The following SLC46A3 variants were observed in gnomAD, a reference collection of about 807,000 sequenced individuals.
SLC46A3 encodes the protein lysosomal proton-coupled steroid conjugate and bile acid symporter SLC46A3.
In SLC46A3, 26 loss-of-function variants were observed where a neutral mutation model predicts 38.5. The ratio of observed to expected loss-of-function variants is 0.68; its 90% CI spans 0.49 to 0.94. The LOEUF (loss-of-function observed/expected upper bound fraction) is 0.94, where lower values mean the gene tolerates loss of function less well. SLC46A3 is among the 40% of genes least tolerant of loss of function. The pLI is 0.00. For missense variants in SLC46A3, 510 were observed against 544.3 expected (o/e 0.94, Z 0.63); for synonymous variants, 185 against 192.5 (o/e 0.96, Z 0.32).
At chr13:28,703,672 C>CT (rs890165917) in intron 5 of SLC46A3, 11 of 186,676 alleles carry the variant, frequency 5.9e-5, no homozygotes, top group Admixed American at 1.2e-4. Context: ...GACCGGTTCT[C>CT]TTTTTTTTAA....
intron 5 of SLC46A3, 62 bp from the exon 6 acceptor site, chr13:28,701,643 G>C: frequency 1.3e-6 from 2 of 1,492,772 alleles, no homozygotes; most frequent in Non-Finnish European, 1.8e-6. Context: ...TAAGTAATCT[G>C]TTTTCCAACT....
chr13:28,708,760 C>G (rs946517157), intron 4 of SLC46A3, among the ~76,000 whole-genome samples: 1 of 151,926 alleles, frequency 6.6e-6, no homozygotes, highest in Non-Finnish European at 1.5e-5. Context: ...TGCGCCTGGC[C>G]TCACTTTCTT....
In SLC46A3 at chr13:28,701,468, T is replaced by C. The variant is rs773682481; in HGVS notation, c.*29A>G. The C allele has an allele frequency of 8.1e-6, 13 of 1,607,106 alleles. No individual in the cohort carries two copies. The highest frequency in any genetic ancestry group is 2.7e-5 in the African/African-American group (2 of 74,400). On this transcript the variant is annotated 3_prime_UTR_variant, in exon 6 of 6. Transcript: ENST00000266943. ...TCATGGTATATGATATGTGCATTCATAGATTTTTTTTGTTTGTTTAAATCA... is the reference window on the plus strand; with the variant it reads ...TCATGGTATATGATATGTGCATTCACAGATTTTTTTTGTTTGTTTAAATCA...
At chr13:28,709,722 C>T (rs1041941128) in intron 4 of SLC46A3, among the ~76,000 whole-genome samples, 1 of 152,172 alleles carries the variant, frequency 6.6e-6, no homozygotes, top group African/African-American at 2.4e-5. Flanking sequence ...CTTGCTGGCC[C>T]GAGTTCCTGC....
chr13:28,713,228 A>G lies in SLC46A3; in HGVS notation c.512T>C (p.Ile171Thr). The G allele has an allele frequency of 6.2e-7, 1 of 1,614,056 alleles. No homozygotes were observed. Among genetic ancestry groups the G allele is most frequent in the Non-Finnish European group, 8.5e-7 (1 of 1,179,996 alleles). ...AACAAGTCCAAGTAGAAAGTCAATG[A>G]TAGCTATTCGAATTGTTTTTTGTTT... ...EHKQKTIRIAIIDFLLGLVTG... is the reference protein window; with the variant it reads ...EHKQKTIRIATIDFLLGLVTG... Residue 171 changes from isoleucine (I) to threonine (T), a missense_variant, in exon 3 of 6, where the codon ATC becomes ACC. Coordinates refer to ENST00000266943, the MANE Select transcript of SLC46A3 (RefSeq NM_181785.4).
At chr13:28,703,301 A>G (rs1418622661) in intron 5 of SLC46A3, among the ~76,000 whole-genome samples, 2 of 152,226 alleles carry the variant, frequency 1.3e-5, no homozygotes, top group African/African-American at 2.4e-5. Flanking sequence ...TGTCATTTAT[A>G]CAAGAATCCA....
chr13:28,716,131 C>T (rs1054851899), intron 2 of SLC46A3, among the ~76,000 whole-genome samples: 1 of 152,066 alleles, frequency 6.6e-6, no homozygotes, highest in African/African-American at 2.4e-5. Flanking sequence ...CCAGCGTGGG[C>T]AGCAGAATGA....
intron 3 of SLC46A3, among the ~76,000 whole-genome samples, chr13:28,711,141 CT>C (rs1593188661): frequency 1.3e-5 from 2 of 152,242 alleles, no homozygotes; most frequent in East Asian, 3.9e-4. Flanking sequence ...GACTGATCTG[CT>C]GGCCGGGCGC....
rs1172041927 is a variant in SLC46A3, at chr13:28,704,028, T to C, written c.1216A>G (p.Ile406Val). ...GVTAVSTFNG[I>V]YSATVAWYPG... ...TACCAAGCAACAGTGGCTGAGTAAA[T>C]TCCATTAAAAGTAGAAACTGCAGTG... The change falls in exon 5 of 6, where the codon ATT (isoleucine) becomes GTT (valine). Residue 406 changes from isoleucine (I) to valine (V), a missense_variant. Physicochemically the swap from Ile to Val is conservative, Grantham distance 29. Transcript: ENST00000266943. 1 of 1,613,292 alleles carries C rather than the reference T, an allele frequency of 6.2e-7. No individual in the cohort carries two copies. Among genetic ancestry groups the C allele is most frequent in the Non-Finnish European group, 8.5e-7 (1 of 1,179,764 alleles).
intron 3 of SLC46A3, 80 bp downstream of exon 3, chr13:28,712,600 G>A (rs1885373024): frequency 7.2e-7 from 1 of 1,396,164 alleles, no homozygotes; most frequent in Non-Finnish European, 9.5e-7. Context: ...TTAGATTAAA[G>A]TTTCTCCCCC....
At chr13:28,713,961 G>A (rs1359632772) in intron 2 of SLC46A3, among the ~76,000 whole-genome samples, 1 of 152,118 alleles carries the variant, frequency 6.6e-6, no homozygotes, top group African/African-American at 2.4e-5. Context: ...GTACTTGTGT[G>A]TGGAATTTTA....
intron 4 of SLC46A3, 104 bp downstream of exon 4, chr13:28,710,656 A>G (rs1885315279): frequency 2.2e-6 from 2 of 890,138 alleles, no homozygotes; most frequent in Middle Eastern, 4.5e-4. Flanking sequence ...AGATCCGTGC[A>G]TAAAAAGGGC....
chr13:28,701,482 T>C lies in SLC46A3; in HGVS notation c.*15A>G. 6.2e-7 allele frequency: 1 copy of C among 1,607,602 alleles called. No individual in the cohort carries two copies. Among genetic ancestry groups the C allele is most frequent in the Middle Eastern group, 1.7e-4 (1 of 6,010 alleles). ...ATGTGCATTCATAGATTTTTTTTGTTTGTTTAAATCACAGTCACCTGTCTG... is the reference window on the plus strand; with the variant it reads ...ATGTGCATTCATAGATTTTTTTTGTCTGTTTAAATCACAGTCACCTGTCTG... On this transcript the variant is annotated 3_prime_UTR_variant, in exon 6 of 6. Coordinates refer to ENST00000266943, the MANE Select transcript of SLC46A3 (RefSeq NM_181785.4).
chr13:28,709,663 T>A (rs1180790124), intron 4 of SLC46A3, among the ~76,000 whole-genome samples: 2 of 152,248 alleles, frequency 1.3e-5, no homozygotes, highest in Non-Finnish European at 2.9e-5. Context: ...TTGTGTACCC[T>A]GCTCTGTGCT....
At chr13:28,708,871 T>A (rs1170963880) in intron 4 of SLC46A3, among the ~76,000 whole-genome samples, 1 of 152,178 alleles carries the variant, frequency 6.6e-6, no homozygotes, top group Non-Finnish European at 1.5e-5. Context: ...TTCTTGTGCT[T>A]TTGGTGTCAT....
chr13:28,703,469 C>A (rs1885086960), intron 5 of SLC46A3, among the ~76,000 whole-genome samples: 1 of 152,086 alleles, frequency 6.6e-6, no homozygotes, highest in South Asian at 2.1e-4. Context: ...TCTTTTAGTT[C>A]TTCACCCATG....
chr13:28,716,939 CAGA>C (rs1182914283), intron 2 of SLC46A3, among the ~76,000 whole-genome samples: 1 of 151,736 alleles, frequency 6.6e-6, no homozygotes, highest in East Asian at 1.9e-4. Context: ...AAATATCCCC[CAGA>C]AGAAGAGTTT....
intron 2 of SLC46A3, among the ~76,000 whole-genome samples, chr13:28,714,205 T>TA (rs201650654): frequency 2.6e-3 from 395 of 151,774 alleles, no homozygotes; most frequent in African/African-American, 9.2e-3. Context: ...TTTTTTTTTT[T>TA]ACCTATGTCT....
chr13:28,707,639 C>G (rs945607344), intron 4 of SLC46A3, among the ~76,000 whole-genome samples: 24 of 152,080 alleles, frequency 1.6e-4, no homozygotes, highest in African/African-American at 5.6e-4. Context: ...TCTATTTTAG[C>G]TCTAAGTCAA....
Sources: gnomAD v4.1 joint callset for allele counts (sites outside exome capture counted in the v4.1 genomes callset) on GRCh38, gnomAD v4.1.1 for gene constraint, MANE v1.5 for transcripts, NCBI Gene and HGNC (gene_info 2026-07-23, HGNC 2026-07-21) for gene names.